The following PPAT variants were observed in gnomAD, a reference collection of about 807,000 sequenced individuals.
The protein encoded by PPAT is phosphoribosyl pyrophosphate amidotransferase, also known as amidophosphoribosyltransferase.
Under a neutral mutation model 60.2 loss-of-function variants are expected in PPAT, and 20 were observed. That is an observed-to-expected ratio of 0.33 (90% CI 0.23 to 0.48). PPAT has a LOEUF of 0.48. Among genes scored for constraint, PPAT ranks in the 20% least tolerant of loss-of-function variants. PPAT has a pLI of 0.99. For missense variants in PPAT, 349 were observed against 629.6 expected, an observed-to-expected ratio of 0.55 and a Z score of 4.77; for synonymous variants, 194 against 215.1, an observed-to-expected ratio of 0.90 and a Z score of 0.86.
chr4:56,417,833 T>C (rs1209757332), intron 1 of PPAT, among the ~76,000 whole-genome samples: 1 of 115,418 alleles, frequency 8.7e-6, no homozygotes, highest in East Asian at 2.5e-4. Context: ...TTTGAAGATT[T>C]GGTTTTTTGT....
At chr4:56,431,612 A>C in intron 1 of PPAT, 1 of 639,540 alleles carries the variant, frequency 1.6e-6, no homozygotes, top group Non-Finnish European at 1.9e-6. Flanking sequence ...ATTCCTAACC[A>C]GGAGAAGTGA....
chr4:56,399,275 A>T lies in PPAT; in HGVS notation c.1140T>A (p.Phe380Leu), dbSNP rs772882442. ...CTACAAGAACAATTCTTTTGCCTTT[A>T]AAGTTGTCTGACAATACTCCAAATT... ...AKKFGVLSDNFKGKRIVLVDD... is the reference protein window; with the variant it reads ...AKKFGVLSDNLKGKRIVLVDD... Residue 380 changes from phenylalanine (F) to leucine (L), a missense_variant, in exon 9 of 11, where the codon TTT (phenylalanine) becomes TTA (leucine). By Grantham distance (22) the Phe-to-Leu change is conservative. Around this residue, in one of 5 missense-constraint regions of PPAT, gnomAD observed 167 missense variants for 328.6 expected, o/e 0.51. Coordinates refer to ENST00000264220, the MANE Select transcript of PPAT (RefSeq NM_002703.5). The T allele has an allele frequency of 2.5e-6, 4 of 1,614,016 alleles. No individual in the cohort carries two copies. The highest frequency in any genetic ancestry group is 1.1e-5 in the South Asian group (1 of 91,078).
chr4:56,396,902 TA>T lies in PPAT; in HGVS notation c.1237-164del. 1 of 573,634 alleles carries T rather than the reference TA, an allele frequency of 1.7e-6. No homozygotes were observed. Among genetic ancestry groups the T allele is most frequent in the Non-Finnish European group, 2.7e-6 (1 of 366,232 alleles). 35.5% of individuals were successfully genotyped at this position (573,634 alleles called of 1,614,324 possible). ...TTCTTGGTTTTTTTTTTCTTTCACCTAATCATGAGGAAGTTTCTTTGTCTAG... is the reference window on the plus strand; with the variant it reads ...TTCTTGGTTTTTTTTTTCTTTCACCTATCATGAGGAAGTTTCTTTGTCTAG... On this transcript the variant is annotated intron_variant, in intron 9 of 10. Coordinates refer to ENST00000264220, the MANE Select transcript of PPAT (RefSeq NM_002703.5). The surrounding 1 kb of genome is among the most constrained non-coding windows in gnomAD (Gnocchi z 4.6).
rs1015229993 is a variant in PPAT, at chr4:56,429,232, A to G, written c.128+6118T>C. 4.6e-5 allele frequency among the ~76,000 whole-genome samples: 7 copies of G among 152,224 alleles called. No individual in the cohort carries two copies. The East Asian group carries it at 1.3e-3, about 29-fold the overall frequency. Reference sequence around the variant, plus strand: ...ATTTTAAAAGAAGAAGAAAGAAAAAAGAGTGAGAGTAACACTGAAAGTAAA... The same window carrying G: ...ATTTTAAAAGAAGAAGAAAGAAAAAGGAGTGAGAGTAACACTGAAAGTAAA... On this transcript the variant is annotated intron_variant, in intron 1 of 10. Coordinates refer to ENST00000264220, the MANE Select transcript of PPAT (RefSeq NM_002703.5).
chr4:56,403,381 A>G lies in PPAT; in HGVS notation c.423T>C (p.Gly141=). Residue 141 remains glycine (G), a synonymous_variant, in exon 4 of 11, where the codon GGT becomes GGC. Transcript: ENST00000264220. ...LRKKLLRHGI[G]LSTSSDSEMI... ...TTTCACTATCAGAACTTGTAGACAG[A>G]CCAATACCATGACGCAGAAGCTATA... The G allele has an allele frequency of 2.5e-6, 4 of 1,613,446 alleles. No homozygotes were observed. Among genetic ancestry groups the G allele is most frequent in the Non-Finnish European group, 3.4e-6 (4 of 1,179,458 alleles).
chr4:56,429,428 C>G (rs1717465022), intron 1 of PPAT, among the ~76,000 whole-genome samples: 1 of 152,116 alleles, frequency 6.6e-6, no homozygotes, highest in Non-Finnish European at 1.5e-5. Context: ...AAGTCAAACT[C>G]AGAAGCCAAC....
intron 9 of PPAT, among the ~76,000 whole-genome samples, chr4:56,397,149 A>G (rs1228298258): frequency 6.6e-6 from 1 of 151,918 alleles, no homozygotes; most frequent in Non-Finnish European, 1.5e-5. Flanking sequence ...CAGTGTCCAC[A>G]TTTCCTTTTT....
intron 9 of PPAT, 88 bp downstream of exon 9, chr4:56,399,091 C>T: frequency 9.1e-7 from 1 of 1,095,738 alleles, no homozygotes. Context: ...TATTGAACAT[C>T]CATTTTGATT....
chr4:56,427,425 G>C (rs1464301352), intron 1 of PPAT, among the ~76,000 whole-genome samples: 3 of 152,120 alleles, frequency 2.0e-5, no homozygotes, highest in Non-Finnish European at 4.4e-5. Context: ...GGAACTACCT[G>C]TTTTCCACCA....
chr4:56,413,051 T>C (rs942141187), intron 1 of PPAT, among the ~76,000 whole-genome samples: 2 of 152,224 alleles, frequency 1.3e-5, no homozygotes, highest in East Asian at 1.9e-4. Context: ...TTAATACCTT[T>C]TGTCCATTTT....
chr4:56,407,440 T>C (rs1192779353), intron 2 of PPAT, among the ~76,000 whole-genome samples: 1 of 152,078 alleles, frequency 6.6e-6, no homozygotes, highest in Admixed American at 6.6e-5. Flanking sequence ...TACCTCAGCC[T>C]CCCAAGTAGC....
intron 1 of PPAT, chr4:56,419,746 A>G (rs774829552): frequency 1.0e-6 from 1 of 984,562 alleles, no homozygotes; most frequent in African/African-American, 1.7e-5. Context: ...AAAAGCATAC[A>G]ACGACAACTA....
At chr4:56,431,412 T>A (rs937501449) in intron 1 of PPAT, 2 of 979,766 alleles carry the variant, frequency 2.0e-6, no homozygotes, top group Non-Finnish European at 2.4e-6. Flanking sequence ...TTCTGTACTC[T>A]GTTTGCAGAA....
chr4:56,395,634 ATAATT>A, intron 10 of PPAT, 86 bp from the exon 11 acceptor site: 2 of 977,130 alleles, frequency 2.0e-6, no homozygotes, highest in Non-Finnish European at 2.8e-6. Context: ...TACAAACAGA[ATAATT>A]TAAGCTAGGA....
intron 1 of PPAT, among the ~76,000 whole-genome samples, chr4:56,416,095 T>G (rs1185512894): frequency 1.3e-5 from 2 of 151,802 alleles, no homozygotes; most frequent in African/African-American, 4.8e-5. Flanking sequence ...GTAATTTAAC[T>G]TGAAAACTAA....
intron 1 of PPAT, among the ~76,000 whole-genome samples, chr4:56,417,977 T>C (rs1716855275): frequency 6.6e-6 from 1 of 151,568 alleles, no homozygotes; most frequent in Non-Finnish European, 1.5e-5. Context: ...GTAGCTGGGA[T>C]TACAGGTGTG....
intron 1 of PPAT, among the ~76,000 whole-genome samples, chr4:56,432,549 G>A (rs1022572751): frequency 1.4e-4 from 21 of 149,036 alleles, no homozygotes; most frequent in African/African-American, 5.0e-4. Flanking sequence ...AAAAAGGGAG[G>A]CCAAGGCGGG....
At chr4:56,416,147 C>T (rs549064807) in intron 1 of PPAT, among the ~76,000 whole-genome samples, 1 of 151,992 alleles carries the variant, frequency 6.6e-6, no homozygotes, top group South Asian at 2.1e-4. Context: ...TCAAACAATT[C>T]TAGCAGAACT....
intron 1 of PPAT, among the ~76,000 whole-genome samples, chr4:56,435,099 G>T (rs1251540754): frequency 1.3e-5 from 2 of 152,204 alleles, no homozygotes; most frequent in Non-Finnish European, 2.9e-5. Context: ...ACACACCGGG[G>T]GGCGGGGAGG....
Sources: allele counts gnomAD v4.1 joint callset (sites outside exome capture counted in the v4.1 genomes callset), GRCh38; gene constraint gnomAD v4.1.1; regional missense constraint gnomAD v4.1.1; non-coding constraint Gnocchi (gnomAD v3.1); transcripts MANE v1.5; gene names NCBI Gene and HGNC (gene_info 2026-07-23, HGNC 2026-07-21).